Variants in ZC3HAV1 observed in about 807,000 individuals in gnomAD.
The protein encoded by ZC3HAV1 is zinc finger CCCH-type antiviral protein 1.
A neutral mutation model predicts 86.6 loss-of-function variants in ZC3HAV1; 41 were observed. That is an observed-to-expected ratio of 0.47 (90% CI 0.37 to 0.61). ZC3HAV1 has a LOEUF of 0.61. Among genes scored for constraint, ZC3HAV1 ranks in the 20% least tolerant of loss-of-function variants. The pLI is 0.00. For missense variants in ZC3HAV1, 964 were observed against 1,141.1 expected (o/e 0.84, Z 2.24); for synonymous variants, 421 against 432.1 (o/e 0.97, Z 0.32).
chr7:139,056,633 C>G (rs1816295238), intron 9 of ZC3HAV1, among the ~76,000 whole-genome samples: 2 of 152,186 alleles, frequency 1.3e-5, no homozygotes, highest in African/African-American at 4.8e-5. Flanking sequence ...TCTTAAACTC[C>G]TGGGCTCAAG....
intron 1 of ZC3HAV1, among the ~76,000 whole-genome samples, chr7:139,101,757 A>G (rs1331630126): frequency 6.6e-6 from 1 of 151,642 alleles, no homozygotes; most frequent in Non-Finnish European, 1.5e-5. Flanking sequence ...TCAGGGTTAA[A>G]TGGATTAAGG....
At chr7:139,055,078 C>T in intron 10 of ZC3HAV1, 127 bp downstream of exon 10, 1 of 824,826 alleles carries the variant, frequency 1.2e-6, no homozygotes, top group Non-Finnish European at 1.9e-6. Context: ...GGCTGAGCCA[C>T]TGCACCCAGC....
intron 1 of ZC3HAV1, 60 bp from the exon 2 acceptor site, chr7:139,089,819 T>C (rs1584866386): frequency 4.0e-5 from 61 of 1,522,700 alleles, no homozygotes; most frequent in African/African-American, 2.8e-5. Context: ...GAAACAGAAA[T>C]CAGCCATAAA....
At chr7:139,089,554 C>A in intron 2 of ZC3HAV1, 70 bp downstream of exon 2, 1 of 1,488,402 alleles carries the variant, frequency 6.7e-7, no homozygotes. Context: ...TCTGCTCCTA[C>A]TCCAAAATAT....
chr7:139,099,190 GT>G (rs1285698119), intron 1 of ZC3HAV1, among the ~76,000 whole-genome samples: 1 of 151,924 alleles, frequency 6.6e-6, no homozygotes, highest in East Asian at 1.9e-4. Context: ...GAGATGTAGT[GT>G]TTGTGAAAAG....
intron 1 of ZC3HAV1, among the ~76,000 whole-genome samples, chr7:139,097,428 A>ATATATATATATATATTTTTTTTTTTTTTT: frequency 2.1e-5 from 1 of 48,160 alleles, no homozygotes; most frequent in African/African-American, 1.1e-4. Context: ...ATATATATAT[A>ATATATATATATATATTTTTTTTTTTTTTT]TTTTTTTTTT....
chr7:139,084,332 A>G (rs1036743086), intron 2 of ZC3HAV1, among the ~76,000 whole-genome samples: 1 of 152,186 alleles, frequency 6.6e-6, no homozygotes, highest in Non-Finnish European at 1.5e-5. Context: ...TCATGAAGGA[A>G]CCCAGCACAG....
At position 139,046,609 on chromosome 7, in the gene ZC3HAV1, G is replaced by A. The variant is rs1342477936; in HGVS notation, c.*985C>T. The stretch of plus-strand genomic sequence containing the variant: ...AGCTCTTATTACCGCATTCCAGAGA[G>A]AGTCAACCTGGATGGAGTTTGTCCC... On this transcript the variant is annotated 3_prime_UTR_variant, in exon 13 of 13. Transcript: ENST00000242351. The A allele has an allele frequency of 6.6e-6, 1 of 152,218 alleles. No individual in the cohort carries two copies. Among genetic ancestry groups the A allele is most frequent in the Non-Finnish European group, 1.5e-5 (1 of 68,042 alleles). The allele number at this position is 152,218 out of a possible 1,614,324, so 9.4% of individuals were successfully genotyped here.
intron 12 of ZC3HAV1, among the ~76,000 whole-genome samples, chr7:139,051,102 G>T: frequency 6.7e-6 from 1 of 149,040 alleles, no homozygotes; most frequent in African/African-American, 2.5e-5. Flanking sequence ...ACGGAGTCTC[G>T]GCTGGTGTGC....
At chr7:139,053,927 G>C in intron 11 of ZC3HAV1, 38 bp downstream of exon 11, 1 of 1,585,222 alleles carries the variant, frequency 6.3e-7, no homozygotes, top group Non-Finnish European at 8.5e-7. Flanking sequence ...AATCCTTTCC[G>C]GTTTTATGTA....
chr7:139,088,718 A>G (rs1225701054), intron 2 of ZC3HAV1, among the ~76,000 whole-genome samples: 2 of 152,242 alleles, frequency 1.3e-5, no homozygotes, highest in East Asian at 1.9e-4. Flanking sequence ...TTTGTAGGCC[A>G]TTCTGTTTCT....
chr7:139,063,051 A>G (rs1182696760), intron 8 of ZC3HAV1, among the ~76,000 whole-genome samples: 2 of 136,822 alleles, frequency 1.5e-5, no homozygotes, highest in African/African-American at 5.5e-5. Flanking sequence ...AAAAAAAAAA[A>G]GAAAGAAAGA....
At position 139,108,440 on chromosome 7, in the gene ZC3HAV1, C is replaced by T. The variant is rs1818000811; in HGVS notation, c.308+584G>A. On this transcript the variant is annotated intron_variant, in intron 1 of 12. Transcript: ENST00000242351. The surrounding 1 kb of genome is among the most constrained non-coding windows in gnomAD (Gnocchi z 4.2). ...CCGCGGCTGCTACAACTTCAGGAAC[C>T]TGGAAAAGGGCCACCCCTGCTACGC... Among the ~76,000 whole-genome samples, 2 of 152,000 alleles carry T rather than the reference C, an allele frequency of 1.3e-5. No homozygotes were observed. Among genetic ancestry groups the T allele is most frequent in the African/African-American group, 4.8e-5 (2 of 41,380 alleles).
intron 1 of ZC3HAV1, among the ~76,000 whole-genome samples, chr7:139,103,748 G>A (rs1817845129): frequency 6.6e-6 from 1 of 152,132 alleles, no homozygotes; most frequent in Non-Finnish European, 1.5e-5. Context: ...TTACTGGGGG[G>A]AATAGGTAAC....
intron 1 of ZC3HAV1, among the ~76,000 whole-genome samples, chr7:139,096,076 G>A (rs1207741235): frequency 2.6e-5 from 4 of 151,982 alleles, no homozygotes; most frequent in East Asian, 1.9e-4. Flanking sequence ...GTGCAATGGC[G>A]CAATCTCAGC....
chr7:139,088,154 T>C (rs1817328408), intron 2 of ZC3HAV1, among the ~76,000 whole-genome samples: 1 of 152,162 alleles, frequency 6.6e-6, no homozygotes, highest in Admixed American at 6.5e-5. Context: ...TCTTTAACTG[T>C]GAGGCTAACT....
chr7:139,076,666 C>A (rs1406323549), intron 5 of ZC3HAV1, among the ~76,000 whole-genome samples: 2 of 152,078 alleles, frequency 1.3e-5, no homozygotes, highest in African/African-American at 4.8e-5. Context: ...CCGAAACAGG[C>A]GGATCATTTG....
chr7:139,060,498 G>A (rs990403728), intron 9 of ZC3HAV1: 26 of 989,732 alleles, frequency 2.6e-5, no homozygotes, highest in South Asian at 4.5e-5. Context: ...CTCTTTCTCC[G>A]CCCCTCATCC....
chr7:139,093,096 T>C (rs989603217), intron 1 of ZC3HAV1, among the ~76,000 whole-genome samples: 2 of 152,204 alleles, frequency 1.3e-5, no homozygotes, highest in African/African-American at 4.8e-5. Flanking sequence ...ACTTTACCTA[T>C]GTTATTTAAT....
Sources: gnomAD v4.1 joint callset for allele counts (sites outside exome capture counted in the v4.1 genomes callset) on GRCh38, gnomAD v4.1.1 for gene constraint, Gnocchi (gnomAD v3.1) non-coding constraint, MANE v1.5 for transcripts, NCBI Gene and HGNC (gene_info 2026-07-23, HGNC 2026-07-21) for gene names.